The following TTYH3 variants were observed in gnomAD, a reference collection of about 807,000 sequenced individuals.
The protein encoded by TTYH3 is protein tweety homolog 3.
In TTYH3, 23 loss-of-function variants were observed where a neutral mutation model predicts 68.2. That is an observed-to-expected ratio of 0.34 (90% CI 0.24 to 0.48). The LOEUF (loss-of-function observed/expected upper bound fraction) is 0.48, where lower values mean the gene tolerates loss of function less well. Among genes scored for constraint, TTYH3 ranks in the 20% least tolerant of loss-of-function variants. The probability of loss-of-function intolerance (pLI) is 0.99; values close to 1 mark genes in which losing one functional copy is unlikely to be tolerated. For missense variants in TTYH3, 768 were observed against 727.7 expected (o/e 1.06, Z -0.64); for synonymous variants, 360 against 332.8 (o/e 1.08, Z -0.89).
rs1490883239 is a variant in TTYH3 at position 2,647,195 on chromosome 7, A to T, written c.347A>T (p.His116Leu). Residue 116 changes from histidine (H) to leucine (L), a missense_variant, in exon 3 of 14, where the codon CAT becomes CTT. Coordinates refer to ENST00000258796, the MANE Select transcript of TTYH3 (RefSeq NM_025250.3). ...AACGGGGAGACCAGTGATGGCATCC[A>T]TAGGGCCACCTACTCGCTCCGCCAC... The part of the protein sequence containing the change: ...YGNGETSDGI[H>L]RATYSLRHAN... The T allele has an allele frequency of 8.7e-6, 14 of 1,606,922 alleles. No homozygotes were observed. Among genetic ancestry groups the T allele is most frequent in the Non-Finnish European group, 1.1e-5 (13 of 1,178,210 alleles).
At chr7:2,651,539 G>T (rs1290414005) in intron 7 of TTYH3, among the ~76,000 whole-genome samples, 4 of 152,066 alleles carry the variant, frequency 2.6e-5, no homozygotes, top group Non-Finnish European at 4.4e-5. Flanking sequence ...GCGGCCTTTG[G>T]GGGGATCTCA....
rs1251539412 is a variant in TTYH3 at position 2,654,462 on chromosome 7, TTAAAAA to T, written c.1020+1460_1020+1465del. ...ATATATACACACACATAAAAAAAAA[TTAAAAA>T]TAAAAATTATACACACACACACACA... On this transcript the variant is annotated intron_variant, in intron 9 of 13. Transcript: ENST00000258796. 2.7e-5 allele frequency among the ~76,000 whole-genome samples: 4 copies of T among 146,416 alleles called. No individual in the cohort carries two copies. The South Asian group carries it at 6.4e-4, about 23-fold the overall frequency.
At chr7:2,653,050 C>G in intron 9 of TTYH3, 40 bp downstream of exon 9, 1 of 1,518,148 alleles carries the variant, frequency 6.6e-7, no homozygotes, top group Non-Finnish European at 9.0e-7. Flanking sequence ...AGGCAGGGCT[C>G]CTCTTTTCTC....
intron 3 of TTYH3, 79 bp from the exon 4 acceptor site, chr7:2,647,339 C>G: frequency 1.3e-6 from 2 of 1,505,842 alleles, no homozygotes; most frequent in Middle Eastern, 2.2e-4. Context: ...GCAGCCGGGA[C>G]TGGGGCTGTG....
intron 10 of TTYH3, 95 bp downstream of exon 10, chr7:2,656,279 G>A: frequency 1.9e-6 from 3 of 1,563,834 alleles, no homozygotes; most frequent in Non-Finnish European, 2.6e-6. Flanking sequence ...AGCAGACAGT[G>A]GGTCCTCAGC....
intron 1 of TTYH3, among the ~76,000 whole-genome samples, chr7:2,644,131 G>A (rs1785922964): frequency 1.3e-5 from 2 of 152,160 alleles, no homozygotes; most frequent in Non-Finnish European, 2.9e-5. Flanking sequence ...CCCTGTGGAT[G>A]GAAGTGCAGA....
At chr7:2,654,137 G>A (rs570146073) in intron 9 of TTYH3, among the ~76,000 whole-genome samples, 1 of 152,212 alleles carries the variant, frequency 6.6e-6, no homozygotes, top group African/African-American at 2.4e-5. Flanking sequence ...ACTCATGCCT[G>A]TCATCTCAGC....
chr7:2,655,762 C>T lies in TTYH3; in HGVS notation c.1021-330C>T, dbSNP rs144514215. 6.6e-3 allele frequency among the ~76,000 whole-genome samples: 1,011 copies of T among 152,332 alleles called. 9 individuals are homozygous for T. Among genetic ancestry groups the T allele is most frequent in the African/African-American group, 0.023 (973 of 41,558 alleles). On this transcript the variant is annotated intron_variant, in intron 9 of 13. Transcript: ENST00000258796. ...AATACTTTCAAAAGCAGAGCAGGTC[C>T]GTGTCAGTAGACACGTGGGGGTTCG... is the stretch of plus-strand genomic sequence containing the variant.
chr7:2,658,926 C>T lies in TTYH3; in HGVS notation c.1425-14C>T, dbSNP rs1786414978. On this transcript the variant is annotated splice_polypyrimidine_tract_variant and intron_variant, in intron 12 of 13. Coordinates refer to ENST00000258796, the MANE Select transcript of TTYH3 (RefSeq NM_025250.3). Reference sequence around the variant, plus strand: ...CCAGCAGGCACTCACAGCCTCTCTCCCCTCATGCCTCAGGAGCCAGAACGC... The same window carrying T: ...CCAGCAGGCACTCACAGCCTCTCTCTCCTCATGCCTCAGGAGCCAGAACGC... 4.3e-6 allele frequency: 7 copies of T among 1,613,518 alleles called. No homozygotes were observed. Among genetic ancestry groups the T allele is most frequent in the African/African-American group, 2.7e-5 (2 of 74,940 alleles).
chr7:2,637,195 A>G (rs1785701430), intron 1 of TTYH3, among the ~76,000 whole-genome samples: 1 of 5,394 alleles, frequency 1.9e-4, no homozygotes, highest in African/African-American at 7.5e-4. Flanking sequence ...TCCTCCCCTG[A>G]CCCCTGGGCA....
At position 2,646,940 on chromosome 7, in the gene TTYH3, C is replaced by G. The variant is rs764868343; in HGVS notation, c.211C>G (p.Arg71Gly). ...CTTCTACTCCTTCTGGCTGTGCTGC[C>G]GGCGGCGCAAGAGCGAGGAGCACCT... The part of the protein sequence containing the change: ...LLFYSFWLCC[R>G]RRKSEEHLDA... Residue 71 changes from arginine (R) to glycine (G), a missense_variant, in exon 2 of 14, where the codon CGG (arginine) becomes GGG (glycine). By Grantham distance (125) the Arg-to-Gly change is moderately radical. Transcript: ENST00000258796. 5 of 1,600,936 alleles carry G rather than the reference C, an allele frequency of 3.1e-6. No individual in the cohort carries two copies. Among genetic ancestry groups the G allele is most frequent in the Admixed American group, 3.3e-5 (2 of 59,714 alleles).
rs1427864637 is a variant in TTYH3, at chr7:2,645,629, AGCAGTGTGGG to A, written c.124-1221_124-1212del. On this transcript the variant is annotated intron_variant, in intron 1 of 13. Transcript: ENST00000258796. The surrounding 1 kb of genome is among the most constrained non-coding windows in gnomAD (Gnocchi z 4.8). Reference sequence around the variant, plus strand: ...GATGGGGCGCCTGTATGCAGCCTGTAGCAGTGTGGGGCCAGCCCCACCATCTCATCCAGCG... The same window carrying A: ...GATGGGGCGCCTGTATGCAGCCTGTAGCCAGCCCCACCATCTCATCCAGCG... The A allele has an allele frequency of 2.6e-6, 1 of 381,852 alleles. No homozygotes were observed. Among genetic ancestry groups the A allele is most frequent in the Non-Finnish European group, 5.4e-6 (1 of 186,202 alleles). 23.7% of individuals were successfully genotyped at this position (381,852 alleles called of 1,614,324 possible). A position where few individuals can be genotyped will look rare whatever the true frequency, so the allele number is the denominator to read the frequency against.
intron 5 of TTYH3, among the ~76,000 whole-genome samples, chr7:2,648,900 AGGCCTGCAGTGGGGTGTGG>A (rs1562713825): frequency 1.0e-4 from 3 of 30,100 alleles, no homozygotes; most frequent in Middle Eastern, 0.014. Flanking sequence ...TGGGGTGTGC[AGGCCTGCAGTGGGGTGTGG>A]GGCCCGCAGT....
intron 9 of TTYH3, among the ~76,000 whole-genome samples, chr7:2,654,587 C>T (rs918994404): frequency 9.2e-5 from 14 of 152,158 alleles, no homozygotes; most frequent in Non-Finnish European, 1.9e-4. Flanking sequence ...GAAGTGGATT[C>T]GTTTCCTGGG....
Position 2,632,032 on chromosome 7 carries a change from C to A in TTYH3, c.-124C>A. The A allele has an allele frequency of 1.1e-6, 1 of 879,232 alleles. No homozygotes were observed. 54.5% of individuals were successfully genotyped at this position (879,232 alleles called of 1,614,324 possible). ...CCGGGCCGAGCCGGGCCGGGCCGGG[C>A]CCAGGAGCGCGCGGATGATGCGGGC... is the stretch of plus-strand genomic sequence containing the variant. On this transcript the variant is annotated 5_prime_UTR_variant, in exon 1 of 14. Transcript: ENST00000258796.
intron 13 of TTYH3, 56 bp from the exon 14 acceptor site, chr7:2,661,611 CT>C (rs1252346986): frequency 2.6e-6 from 4 of 1,558,468 alleles, no homozygotes; most frequent in Non-Finnish European, 3.5e-6. Flanking sequence ...GAAGGCGCCC[CT>C]GGCTGCGTGC....
At position 2,647,768 on chromosome 7, in the gene TTYH3, A is replaced by C; in HGVS notation, c.626+130A>C. The stretch of plus-strand genomic sequence containing the variant: ...GTGTGGCCCAGGGCCACTGGAGGTC[A>C]CAGGCAGTGGCTGGAGTTCCCCTAA... On this transcript the variant is annotated intron_variant, in intron 4 of 13. Transcript: ENST00000258796. The C allele has an allele frequency of 2.6e-6, 3 of 1,138,118 alleles. No homozygotes were observed. In the South Asian group the frequency reaches 4.4e-5, roughly 17 times the overall value. The allele number at this position is 1,138,118 out of a possible 1,614,324, so 70.5% of individuals were successfully genotyped here. A position where few individuals can be genotyped will look rare whatever the true frequency, so the allele number is the denominator to read the frequency against.
chr7:2,640,451 C>T (rs1351478855), intron 1 of TTYH3, among the ~76,000 whole-genome samples: 5 of 152,178 alleles, frequency 3.3e-5, no homozygotes, highest in Non-Finnish European at 7.4e-5. Context: ...GCTGTGCACC[C>T]TCCCGAGTGG....
At chr7:2,633,460 C>T (rs554897548) in intron 1 of TTYH3, among the ~76,000 whole-genome samples, 3 of 152,206 alleles carry the variant, frequency 2.0e-5, no homozygotes, top group East Asian at 1.9e-4. Flanking sequence ...GAGCCGATGA[C>T]GTTTCCTAAC....
Sources: gnomAD v4.1 joint callset for allele counts (sites outside exome capture counted in the v4.1 genomes callset) on GRCh38, gnomAD v4.1.1 for gene constraint, Gnocchi (gnomAD v3.1) non-coding constraint, MANE v1.5 for transcripts, NCBI Gene and HGNC (gene_info 2026-07-23, HGNC 2026-07-21) for gene names.